CEMIP2: variants seen among roughly 807,000 people sequenced by gnomAD.
CEMIP2 encodes cell surface hyaluronidase CEMIP2.
Under a neutral mutation model 146.9 loss-of-function variants are expected in CEMIP2, and 79 were observed. The observed-to-expected ratio is 0.54, with a 90% CI of 0.45 to 0.65. The LOEUF (loss-of-function observed/expected upper bound fraction) is 0.65. Among genes scored for constraint, CEMIP2 ranks in the 30% least tolerant of loss-of-function variants. CEMIP2 has a pLI of 0.00. For synonymous variants in CEMIP2, 601 were observed against 606.3 expected, an observed-to-expected ratio of 0.99 and a Z score of 0.13; for missense variants, 1,596 against 1,696.2, an observed-to-expected ratio of 0.94 and a Z score of 1.04.
rs765559880 is a variant in CEMIP2, at chr9:71,745,330, G to A, written c.722C>T (p.Thr241Met). 46 of 1,613,308 alleles carry A rather than the reference G, an allele frequency of 2.9e-5. No homozygotes were observed. Among genetic ancestry groups the A allele is most frequent in the East Asian group, 4.5e-5 (2 of 44,868 alleles). The stretch of plus-strand genomic sequence containing the variant: ...GGAATTCAGGGTCCTTGCCAACAAC[G>A]TCCACGATGCCTTCCGTGCCCCATG... ...ELHGARKASW[T>M]LLARTLNSSG... The change falls in exon 4 of 24, where the codon ACG (threonine) becomes ATG (methionine). Residue 241 changes from threonine (T) to methionine (M), a missense_variant. Coordinates refer to ENST00000377044, the MANE Select transcript of CEMIP2 (RefSeq NM_013390.3).
In CEMIP2 at chr9:71,709,513, G is replaced by T. The variant is rs1466966470; in HGVS notation, c.2770-39C>A. 1.9e-6 allele frequency: 3 copies of T among 1,562,262 alleles called. No individual in the cohort carries two copies. The African/African-American group carries it at 4.1e-5, about 21-fold the overall frequency. ...AAAAGAAAGACATCACAAAGTGAGG[G>T]CTCCTGCTATCTCAGCATCCCCTGC... is the stretch of plus-strand genomic sequence containing the variant. On this transcript the variant is annotated intron_variant, in intron 16 of 23. Coordinates refer to ENST00000377044, the MANE Select transcript of CEMIP2 (RefSeq NM_013390.3).
chr9:71,684,515 A>T lies in CEMIP2; in HGVS notation c.*682T>A, dbSNP rs1001975777. Reference sequence around the variant, plus strand: ...AGCCTCAGACTTTTGCTGCAGGAAAATTTTTTGCCCAATGGTCACAGATTA... The same window carrying T: ...AGCCTCAGACTTTTGCTGCAGGAAATTTTTTTGCCCAATGGTCACAGATTA... On this transcript the variant is annotated 3_prime_UTR_variant, in exon 24 of 24. Transcript: ENST00000377044. 8 of 152,556 alleles carry T rather than the reference A, an allele frequency of 5.2e-5. No individual in the cohort carries two copies. Among genetic ancestry groups the T allele is most frequent in the African/African-American group, 1.7e-4 (7 of 41,406 alleles). 9.5% of individuals were successfully genotyped at this position (152,556 alleles called of 1,614,324 possible). A position where few individuals can be genotyped will look rare whatever the true frequency, so the allele number is the denominator to read the frequency against.
In CEMIP2 at chr9:71,691,796, C is replaced by T. The variant is rs540954464; in HGVS notation, c.3697-1550G>A. On this transcript the variant is annotated intron_variant, in intron 21 of 23. Transcript: ENST00000377044. The stretch of plus-strand genomic sequence containing the variant: ...GGTCAACCTGGGCAACATAGCAAGA[C>T]ACTGTCTTAAAAAAAAAGCCCCAAA... Among the ~76,000 whole-genome samples the T allele has an allele frequency of 8.4e-4, 128 of 152,002 alleles. 1 individual carries two copies. Among genetic ancestry groups the T allele is most frequent in the African/African-American group, 2.5e-3 (102 of 41,464 alleles).
chr9:71,742,942 G>A (rs1051259635), intron 4 of CEMIP2, among the ~76,000 whole-genome samples: 2 of 152,168 alleles, frequency 1.3e-5, no homozygotes, highest in Admixed American at 6.5e-5. Flanking sequence ...AGCCTCGGCC[G>A]GGCACATGGC....
chr9:71,741,129 G>T (rs745464290), intron 4 of CEMIP2, among the ~76,000 whole-genome samples: 2 of 151,086 alleles, frequency 1.3e-5, no homozygotes, highest in Admixed American at 1.3e-4. Context: ...TGCACCCTAG[G>T]TGTCAAGATT....
chr9:71,746,161 A>G (rs745436452), intron 3 of CEMIP2, 40 bp downstream of exon 3: 5 of 1,595,380 alleles, frequency 3.1e-6, no homozygotes, highest in Non-Finnish European at 4.3e-6. Context: ...CACATTAAAG[A>G]GCAACCTTGC....
At chr9:71,686,917 A>G (rs1275553096) in intron 22 of CEMIP2, 1 of 152,192 alleles carries the variant, frequency 6.6e-6, no homozygotes, top group African/African-American at 2.4e-5. Context: ...TTATCTATTT[A>G]TTAAATAAAT....
intron 21 of CEMIP2, among the ~76,000 whole-genome samples, chr9:71,692,395 A>G (rs915052067): frequency 4.8e-5 from 4 of 82,884 alleles, no homozygotes; most frequent in African/African-American, 8.1e-5. Context: ...CTCTCTCTCT[A>G]TTACCTAGTA....
In CEMIP2 at chr9:71,699,500, A is replaced by C. The variant is rs560570051; in HGVS notation, c.3377+1142T>G. On this transcript the variant is annotated intron_variant, in intron 19 of 23. Coordinates refer to ENST00000377044, the MANE Select transcript of CEMIP2 (RefSeq NM_013390.3). ...AAAGAAAAAGAAAGAAAAATTAAAAATTGGAGACAATTATGACAATAAAAC... is the reference window on the plus strand; with the variant it reads ...AAAGAAAAAGAAAGAAAAATTAAAACTTGGAGACAATTATGACAATAAAAC... The C allele has an allele frequency of 3.9e-4, 163 of 418,918 alleles. No homozygotes were observed. In the Middle Eastern group the frequency reaches 3.9e-3, roughly 10 times the overall value. The allele number at this position is 418,918 out of a possible 1,614,324, so 26.0% of individuals were successfully genotyped here. A position where few individuals can be genotyped will look rare whatever the true frequency, so the allele number is the denominator to read the frequency against.
intron 1 of CEMIP2, among the ~76,000 whole-genome samples, chr9:71,764,954 TGA>T (rs894493023): frequency 2.0e-5 from 3 of 151,920 alleles, no homozygotes; most frequent in Admixed American, 6.6e-5. Context: ...TTCATCATAT[TGA>T]GAGAGAGGAA....
intron 17 of CEMIP2, among the ~76,000 whole-genome samples, chr9:71,708,733 ATAGAAT>A (rs996505300): frequency 1.3e-5 from 2 of 152,168 alleles, no homozygotes; most frequent in African/African-American, 4.8e-5. Flanking sequence ...TTATATCATA[ATAGAAT>A]TAGGAAATTT....
At chr9:71,696,884 A>G (rs1472328919) in intron 20 of CEMIP2, among the ~76,000 whole-genome samples, 1 of 72,034 alleles carries the variant, frequency 1.4e-5, no homozygotes, top group Non-Finnish European at 4.2e-5. Flanking sequence ...ATAAATAATG[A>G]AAAAAAAAAG....
intron 11 of CEMIP2, among the ~76,000 whole-genome samples, chr9:71,723,891 G>C (rs902481468): frequency 3.3e-5 from 5 of 152,114 alleles, no homozygotes; most frequent in Admixed American, 3.3e-4. Context: ...TGGCTATAAA[G>C]TATTATCCTG....
intron 2 of CEMIP2, among the ~76,000 whole-genome samples, 194 bp downstream of exon 2, chr9:71,749,849 A>G (rs1344759106): frequency 6.6e-6 from 1 of 152,254 alleles, no homozygotes; most frequent in Admixed American, 6.5e-5. Context: ...AATGGACAGG[A>G]AGAGCAACCA....
rs59985618 is a variant in CEMIP2 at position 71,732,686 on chromosome 9, A to ATTTTTTTTTTT, written c.1394-177_1394-167dup. Among the ~76,000 whole-genome samples the ATTTTTTTTTTT allele has an allele frequency of 1.6e-4, 12 of 75,878 alleles. 1 individual carries two copies. The highest frequency in any genetic ancestry group is 5.0e-4 in the African/African-American group (8 of 16,098). The allele number at this position is 75,878 out of a possible 152,430, so 49.8% of individuals were successfully genotyped here. A position where few individuals can be genotyped will look rare whatever the true frequency, so the allele number is the denominator to read the frequency against. ...GAATCAGAATCCCAGGACACGGGGA[A>ATTTTTTTTTTT]TTTTTTTTTTTTTTTTTTTTTTTTT... is the stretch of plus-strand genomic sequence containing the variant. On this transcript the variant is annotated intron_variant, in intron 6 of 23. Transcript: ENST00000377044.
In CEMIP2 at chr9:71,730,228, G is replaced by T. The variant is rs766652799; in HGVS notation, c.1799C>A (p.Thr600Lys). ...LLIKDTIGFD[T>K]LGHCFFLEDG... ...TTCCAAAAAGAAACAATGACCTAGT[G>T]TGTCAAACCCAATGGTGTCTTTTAT... The change falls in exon 9 of 24, where the codon ACA (threonine) becomes AAA (lysine). Residue 600 changes from threonine (T) to lysine (K), a missense_variant. Coordinates refer to ENST00000377044, the MANE Select transcript of CEMIP2 (RefSeq NM_013390.3). 1 of 1,614,014 alleles carries T rather than the reference G, an allele frequency of 6.2e-7. No individual in the cohort carries two copies. Among genetic ancestry groups the T allele is most frequent in the African/African-American group, 1.3e-5 (1 of 74,892 alleles).
chr9:71,722,287 G>A (rs1823255446), intron 12 of CEMIP2, 140 bp downstream of exon 12: 1 of 583,062 alleles, frequency 1.7e-6, no homozygotes, highest in Non-Finnish European at 3.0e-6. Flanking sequence ...CAGAATAAGT[G>A]GTTTTCCAAA....
intron 20 of CEMIP2, 28 bp from the exon 21 acceptor site, chr9:71,694,635 T>C (rs1375262573): frequency 6.8e-7 from 1 of 1,471,920 alleles, no homozygotes; most frequent in Admixed American, 1.7e-5. Context: ...TCCATATTTA[T>C]GGCAACTCTT....
At chr9:71,752,458 G>GAGGA (rs1347376187) in intron 1 of CEMIP2, among the ~76,000 whole-genome samples, 76 of 680 alleles carry the variant, frequency 0.11, 5 homozygotes, top group Non-Finnish European at 0.13. Flanking sequence ...AATTTGCCAA[G>GAGGA]AGGAAGGAAG....
Sources: gnomAD v4.1 joint callset for allele counts (sites outside exome capture counted in the v4.1 genomes callset) on GRCh38, gnomAD v4.1.1 for gene constraint, MANE v1.5 for transcripts, NCBI Gene and HGNC (gene_info 2026-07-23, HGNC 2026-07-21) for gene names.